The following GALK2 variants were observed in gnomAD, a reference collection of about 807,000 sequenced individuals.
GALK2 encodes galactokinase 2, also known as N-acetylgalactosamine kinase.
GALK2 carries 36 observed loss-of-function variants against 52.4 expected under a neutral mutation model. The ratio of observed to expected loss-of-function variants is 0.69; its 90% CI spans 0.53 to 0.91. The LOEUF is 0.91. Ranked by LOEUF, GALK2 falls within the 40% of genes least tolerant of loss-of-function variation. The probability of loss-of-function intolerance (pLI) is 0.00; values close to 1 mark genes in which losing one functional copy is unlikely to be tolerated. For synonymous variants in GALK2, 176 were observed against 199.1 expected (o/e 0.88, Z 0.98); for missense variants, 579 against 559.1 (o/e 1.04, Z -0.36).
Position 49,299,709 on chromosome 15 carries a change from GCTTTCTTTCTTTCTTTCTTTCTTTCTTTT to G in GALK2, c.967+7201_967+7229del, listed in dbSNP as rs1413896575. On this transcript the variant is annotated intron_variant, in intron 8 of 9. Transcript: ENST00000560031. ...GGTTTTGAGAGATCTTCTTGGTATT[GCTTTCTTTCTTTCTTTCTTTCTTTCTTTT>G]CTTTCTTTCTTTCTTTCTTTCTTTC... 2.6e-3 allele frequency among the ~76,000 whole-genome samples: 218 copies of G among 85,234 alleles called. 4 individuals are homozygous for G. The highest frequency in any genetic ancestry group is 6.8e-3 in the African/African-American group (140 of 20,438). 55.9% of individuals were successfully genotyped at this position (85,234 alleles called of 152,430 possible). A position where few individuals can be genotyped will look rare whatever the true frequency, so the allele number is the denominator to read the frequency against.
At chr15:49,247,003 A>G (rs78359468) in intron 5 of GALK2, among the ~76,000 whole-genome samples, 9,178 of 152,214 alleles carry the variant, frequency 0.06, 552 homozygotes, top group African/African-American at 0.15. Flanking sequence ...ATACAAATAA[A>G]TATATAATAT....
At chr15:49,278,236 G>A (rs73394331) in intron 5 of GALK2, among the ~76,000 whole-genome samples, 25,678 of 152,168 alleles carry the variant, frequency 0.17, 2,440 homozygotes, top group Non-Finnish European at 0.21. Flanking sequence ...ACTCCAGCCC[G>A]GGCGACAGAG....
At chr15:49,304,958 C>T (rs542841514) in intron 8 of GALK2, among the ~76,000 whole-genome samples, 1 of 152,156 alleles carries the variant, frequency 6.6e-6, no homozygotes, top group Non-Finnish European at 1.5e-5. Context: ...TCACTTTCTT[C>T]CCTGTCTTGC....
chr15:49,195,121 A>G (rs1355577756), intron 1 of GALK2: 1 of 451,884 alleles, frequency 2.2e-6, no homozygotes, highest in African/African-American at 2.0e-5. Flanking sequence ...TGGAGGCTAG[A>G]GTGCAAGTGG....
At chr15:49,285,562 G>T (rs912990155) in intron 7 of GALK2, among the ~76,000 whole-genome samples, 3 of 152,054 alleles carry the variant, frequency 2.0e-5, no homozygotes, top group Admixed American at 6.5e-5. Flanking sequence ...TTCAACTAAG[G>T]CTTTCTTGGT....
In GALK2 at chr15:49,329,518, C is replaced by T. The variant is rs1033013482; in HGVS notation, c.*1359C>T. On this transcript the variant is annotated 3_prime_UTR_variant, in exon 10 of 10. Coordinates refer to ENST00000560031, the MANE Select transcript of GALK2 (RefSeq NM_002044.4). Reference sequence around the variant, plus strand: ...AGAATTTCAGTTTAAGGGAGGCCTGCGCAAAGCTAGTTTTATTTCTTAAAG... The same window carrying T: ...AGAATTTCAGTTTAAGGGAGGCCTGTGCAAAGCTAGTTTTATTTCTTAAAG... 2.7e-5 allele frequency: 27 copies of T among 985,124 alleles called. No individual in the cohort carries two copies. Among genetic ancestry groups the T allele is most frequent in the African/African-American group, 3.5e-5 (2 of 57,196 alleles). The allele number at this position is 985,124 out of a possible 1,614,324, so 61.0% of individuals were successfully genotyped here.
chr15:49,352,626 A>G (rs2042414160), intron 3 of GALK2, among the ~76,000 whole-genome samples: 1 of 152,226 alleles, frequency 6.6e-6, no homozygotes, highest in Admixed American at 6.5e-5. Context: ...TATGTTTAAC[A>G]ATATTGAGAG....
In GALK2 at chr15:49,329,120, C is replaced by A. The variant is rs2038093561; in HGVS notation, c.*961C>A. On this transcript the variant is annotated 3_prime_UTR_variant, in exon 10 of 10. Transcript: ENST00000560031. ...TCCCTTTTTTGCTTGTCTAGCAAAGCTTGTTTGTATATATGCACCCCATTG... is the reference window on the plus strand; with the variant it reads ...TCCCTTTTTTGCTTGTCTAGCAAAGATTGTTTGTATATATGCACCCCATTG... The A allele has an allele frequency of 1.0e-6, 1 of 993,156 alleles. No homozygotes were observed. The highest frequency in any genetic ancestry group is 1.2e-6 in the Non-Finnish European group (1 of 834,380). 61.5% of individuals were successfully genotyped at this position (993,156 alleles called of 1,614,324 possible). A position where few individuals can be genotyped will look rare whatever the true frequency, so the allele number is the denominator to read the frequency against.
chr15:49,287,523 A>G (rs918946188), intron 7 of GALK2, among the ~76,000 whole-genome samples: 2 of 152,194 alleles, frequency 1.3e-5, no homozygotes, highest in East Asian at 1.9e-4. Context: ...TTTCTTTGCA[A>G]TATGGTTCTA....
At chr15:49,192,485 G>GTATATATATGTGTATATATA in intron 1 of GALK2, among the ~76,000 whole-genome samples, 1 of 102,976 alleles carries the variant, frequency 9.7e-6, no homozygotes, top group Non-Finnish European at 1.9e-5. Context: ...ATATATATAT[G>GTATATATATGTGTATATATA]TATATATATA....
At chr15:49,355,253 G>A (rs923271982) in intron 3 of GALK2, among the ~76,000 whole-genome samples, 3 of 152,226 alleles carry the variant, frequency 2.0e-5, no homozygotes, top group East Asian at 1.9e-4. Flanking sequence ...TGACTTTGAA[G>A]AGCTCAGAGA....
intron 3 of GALK2, among the ~76,000 whole-genome samples, chr15:49,220,058 CTTTT>C (rs34707025): frequency 1.1e-5 from 1 of 92,746 alleles, no homozygotes. Flanking sequence ...AGATACAAGT[CTTTT>C]TTTTTTTTTT....
At chr15:49,367,549 C>G (rs778486123) in exon 4 of GALK2, 24 of 1,606,132 alleles carry the variant, frequency 1.5e-5, no homozygotes, top group Non-Finnish European at 8.5e-6. Context: ...TCAATGGACT[C>G]TGACCTCCAA....
intron 1 of GALK2, among the ~76,000 whole-genome samples, chr15:49,200,609 A>T (rs1268681266): frequency 2.0e-5 from 3 of 152,216 alleles, no homozygotes; most frequent in African/African-American, 7.2e-5. Flanking sequence ...GACGGCTGCT[A>T]CCAGAAGGTA....
At chr15:49,278,547 T>C (rs549909497) in intron 5 of GALK2, among the ~76,000 whole-genome samples, 1 of 152,332 alleles carries the variant, frequency 6.6e-6, no homozygotes, top group Admixed American at 6.5e-5. Flanking sequence ...TAAGGTGCTT[T>C]TATTTGAAGT....
intron 3 of GALK2, among the ~76,000 whole-genome samples, chr15:49,338,834 C>G (rs373568932): frequency 6.6e-6 from 1 of 152,056 alleles, no homozygotes; most frequent in African/African-American, 2.4e-5. Flanking sequence ...TCTTTTCATT[C>G]TTTTTTTCTC....
intron 5 of GALK2, among the ~76,000 whole-genome samples, chr15:49,250,951 C>T (rs375258857): frequency 3.3e-4 from 50 of 152,188 alleles, no homozygotes; most frequent in African/African-American, 1.2e-3. Flanking sequence ...TTTATAATTT[C>T]AGTAGGGAGA....
At position 49,329,855 on chromosome 15, in the gene GALK2, C is replaced by T. The variant is rs1324868419; in HGVS notation, c.*1696C>T. 10 of 704,358 alleles carry T rather than the reference C, an allele frequency of 1.4e-5. No individual in the cohort carries two copies. In the African/African-American group the frequency reaches 1.6e-4, roughly 11 times the overall value. 43.6% of individuals were successfully genotyped at this position (704,358 alleles called of 1,614,324 possible). ...TGTCATTGTTTTGCTGTTCCATTTACAATTTTCACCAGGTGATTTCTTCTT... is the reference window on the plus strand; with the variant it reads ...TGTCATTGTTTTGCTGTTCCATTTATAATTTTCACCAGGTGATTTCTTCTT... On this transcript the variant is annotated 3_prime_UTR_variant, in exon 10 of 10. Coordinates refer to ENST00000560031, the MANE Select transcript of GALK2 (RefSeq NM_002044.4).
chr15:49,276,454 T>C (rs528179137), intron 5 of GALK2, among the ~76,000 whole-genome samples: 1 of 152,350 alleles, frequency 6.6e-6, no homozygotes, highest in African/African-American at 2.4e-5. Context: ...GTATGCTTCT[T>C]TTCTTTATGC....
Sources: allele counts gnomAD v4.1 joint callset (sites outside exome capture counted in the v4.1 genomes callset), GRCh38; gene constraint gnomAD v4.1.1; transcripts MANE v1.5; gene names NCBI Gene and HGNC (gene_info 2026-07-23, HGNC 2026-07-21).